ANKRD30A: variants seen among roughly 807,000 people sequenced by gnomAD.
ANKRD30A encodes ankyrin repeat domain 30A, also known as ankyrin repeat domain-containing protein 30A.
In ANKRD30A, 170 loss-of-function variants were observed where a neutral mutation model predicts 166.3. The ratio of observed to expected loss-of-function variants is 1.02; its 90% CI spans 0.90 to 1.16. The LOEUF (loss-of-function observed/expected upper bound fraction) is 1.16. Ranked by LOEUF, ANKRD30A falls within the 50% of genes most tolerant of loss-of-function variation. The probability of loss-of-function intolerance (pLI) is 0.00; values close to 1 mark genes in which losing one functional copy is unlikely to be tolerated. For synonymous variants in ANKRD30A, 564 were observed against 508.9 expected (o/e 1.11, Z -1.46); for missense variants, 1,630 against 1,518.0 (o/e 1.07, Z -1.23).
intron 6 of ANKRD30A, among the ~76,000 whole-genome samples, chr10:37,140,599 A>C (rs72787519): frequency 6.6e-6 from 1 of 152,204 alleles, no homozygotes; most frequent in Non-Finnish European, 1.5e-5. Flanking sequence ...ATGTTGTTCT[A>C]TCTGCTGGAT....
intron 6 of ANKRD30A, 87 bp downstream of exon 6, chr10:37,136,758 A>G (rs1304550012): frequency 4.4e-6 from 3 of 688,786 alleles, no homozygotes; most frequent in Non-Finnish European, 7.0e-6. Flanking sequence ...TCAAAAAGCA[A>G]TGTGTAAATA....
intron 34 of ANKRD30A, among the ~76,000 whole-genome samples, chr10:37,221,505 A>T (rs553972534): frequency 4.0e-5 from 6 of 151,402 alleles, no homozygotes; most frequent in African/African-American, 1.4e-4. Flanking sequence ...GCCAACAGTG[A>T]ATCTATAGCT....
At chr10:37,228,435 C>G (rs1843260028) in intron 34 of ANKRD30A, among the ~76,000 whole-genome samples, 1 of 151,904 alleles carries the variant, frequency 6.6e-6, no homozygotes, top group Non-Finnish European at 1.5e-5. Context: ...TTTATTTTCT[C>G]ATTGAAGAAA....
chr10:37,159,136 T>C (rs757868036), intron 15 of ANKRD30A, among the ~76,000 whole-genome samples: 3 of 152,190 alleles, frequency 2.0e-5, no homozygotes, highest in Non-Finnish European at 4.4e-5. Flanking sequence ...TTGGCCTTGG[T>C]GTCTTTTAAT....
intron 15 of ANKRD30A, among the ~76,000 whole-genome samples, chr10:37,162,279 T>G (rs965956678): frequency 6.6e-6 from 1 of 152,174 alleles, no homozygotes; most frequent in Non-Finnish European, 1.5e-5. Flanking sequence ...TTTCCGAAGA[T>G]AGGCTATATT....
At chr10:37,190,047 G>C (rs1312385854) in intron 25 of ANKRD30A, among the ~76,000 whole-genome samples, 1 of 151,776 alleles carries the variant, frequency 6.6e-6, no homozygotes, top group South Asian at 2.1e-4. Context: ...TCTCACTTGT[G>C]GGAAGCCATT....
intron 13 of ANKRD30A, among the ~76,000 whole-genome samples, chr10:37,156,450 G>T (rs1380101744): frequency 6.6e-6 from 1 of 152,184 alleles, no homozygotes; most frequent in Admixed American, 6.5e-5. Flanking sequence ...GGGATGATCA[G>T]ATCACAATTT....
At chr10:37,134,078 G>C (rs1357666118) in intron 5 of ANKRD30A, 25 bp downstream of exon 5, 1 of 1,610,412 alleles carries the variant, frequency 6.2e-7, no homozygotes, top group African/African-American at 1.3e-5. Context: ...TTAGAGGCTA[G>C]GTGAGATTTT....
chr10:37,252,406 A>C, the ANKRD30A span, among the ~76,000 whole-genome samples: 5 of 152,206 alleles, frequency 3.3e-5, no homozygotes, highest in African/African-American at 9.7e-5. Flanking sequence ...GGTATGTTTT[A>C]TATACTAAAA....
intron 3 of ANKRD30A, among the ~76,000 whole-genome samples, chr10:37,130,861 A>G (rs906531760): frequency 2.0e-5 from 3 of 152,220 alleles, no homozygotes; most frequent in African/African-American, 7.2e-5. Flanking sequence ...CCACCTAGTT[A>G]CAACACTTAC....
intron 11 of ANKRD30A, 66 bp from the exon 12 acceptor site, chr10:37,151,992 GTA>G (rs1837973536): frequency 1.4e-6 from 2 of 1,381,440 alleles, no homozygotes; most frequent in South Asian, 1.3e-5. Flanking sequence ...AAGTAGATTT[GTA>G]TATGTTTTTA....
chr10:37,230,486 T>C (rs556240538), intron 34 of ANKRD30A, among the ~76,000 whole-genome samples: 32 of 152,188 alleles, frequency 2.1e-4, no homozygotes, highest in African/African-American at 6.3e-4. Flanking sequence ...ACCTGATCTG[T>C]TAGCCTTTCA....
chr10:37,203,268 A>C (rs1841772502), intron 31 of ANKRD30A, among the ~76,000 whole-genome samples: 3 of 152,212 alleles, frequency 2.0e-5, no homozygotes, highest in Admixed American at 6.5e-5. Context: ...CCAGCAGCAC[A>C]TCAGAAAGCT....
chr10:37,147,240 T>C (rs1256030887), intron 8 of ANKRD30A, 130 bp from the exon 9 acceptor site: 1 of 662,728 alleles, frequency 1.5e-6, no homozygotes, highest in Non-Finnish European at 2.5e-6. Flanking sequence ...GTCATGATTT[T>C]CAATATGTGC....
At chr10:37,230,302 T>C (rs912787007) in intron 34 of ANKRD30A, among the ~76,000 whole-genome samples, 5 of 152,144 alleles carry the variant, frequency 3.3e-5, no homozygotes, top group South Asian at 4.1e-4. Context: ...TAATTTTTAG[T>C]GAGACAGGTT....
At position 37,221,945 on chromosome 10, in the gene ANKRD30A, GC is replaced by G. The variant is rs573682842; in HGVS notation, c.4185+2049del. ...GGTTAATATACACAGTATTAGAATAGCTAGGCAATTCTTTTATTTTTTGTTT... is the reference window on the plus strand; with the variant it reads ...GGTTAATATACACAGTATTAGAATAGTAGGCAATTCTTTTATTTTTTGTTT... On this transcript the variant is annotated intron_variant, in intron 34 of 35. Transcript: ENST00000361713. Among the ~76,000 whole-genome samples the G allele has an allele frequency of 5.6e-4, 85 of 151,400 alleles. 3 individuals carry two copies. In the South Asian group the frequency reaches 0.016, roughly 28 times the overall value.
At chr10:37,166,212 G>C (rs1297948296) in intron 18 of ANKRD30A, among the ~76,000 whole-genome samples, 2 of 152,120 alleles carry the variant, frequency 1.3e-5, no homozygotes, top group Non-Finnish European at 2.9e-5. Context: ...AATGTTTACT[G>C]CTGTATGTGT....
chr10:37,256,822 C>T, the ANKRD30A span, among the ~76,000 whole-genome samples: 2 of 152,128 alleles, frequency 1.3e-5, no homozygotes, highest in Non-Finnish European at 2.9e-5. Context: ...GTTTTCACAT[C>T]GATGTTCATA....
chr10:37,206,271 A>T (rs2132708174), intron 31 of ANKRD30A, among the ~76,000 whole-genome samples: 1 of 152,236 alleles, frequency 6.6e-6, no homozygotes, highest in Admixed American at 6.5e-5. Flanking sequence ...TTCACTTCAG[A>T]TGCATTTGGA....
Sources: allele counts gnomAD v4.1 joint callset (sites outside exome capture counted in the v4.1 genomes callset), GRCh38; gene constraint gnomAD v4.1.1; transcripts MANE v1.5; gene names NCBI Gene and HGNC (gene_info 2026-07-23, HGNC 2026-07-21).